TNC: variants seen among roughly 807,000 people sequenced by gnomAD.
TNC encodes tenascin C.
A neutral mutation model predicts 202.4 loss-of-function variants in TNC; 109 were observed. That is an observed-to-expected ratio of 0.54 (90% confidence interval 0.46 to 0.63). The LOEUF is 0.63. TNC is among the 30% of genes least tolerant of loss of function. The probability of loss-of-function intolerance (pLI) is 0.00; values close to 1 mark genes in which losing one functional copy is unlikely to be tolerated. For synonymous variants in TNC, 1,007 were observed against 1,089.7 expected, an observed-to-expected ratio of 0.92 and a Z score of 1.50; for missense variants, 2,756 against 2,833.3, an observed-to-expected ratio of 0.97 and a Z score of 0.62.
At chr9:115,090,312 T>C (rs1051127576) in intron 2 of TNC, among the ~76,000 whole-genome samples, 2 of 151,674 alleles carry the variant, frequency 1.3e-5, no homozygotes, top group Non-Finnish European at 2.9e-5. Flanking sequence ...TAAAATAGGG[T>C]TTTTCAAAGC....
In TNC at chr9:115,046,511, C is replaced by G; in HGVS notation, c.5024G>C (p.Arg1675Thr). ...AGCCTCTCTGAGACCTGTTATGTCC[C>G]TGGTACGTTCGGGGGCAAGTAGGGT... is the stretch of plus-strand genomic sequence containing the variant. ...EITLLAPERT[R>T]DITGLREATE... The change falls in exon 17 of 28, where the codon AGG becomes ACG. Residue 1675 changes from arginine to threonine, a missense_variant. Physicochemically the swap from Arg to Thr is moderately conservative, Grantham distance 71 (BLOSUM62 -1). Coordinates refer to ENST00000350763, the MANE Select transcript of TNC (RefSeq NM_002160.4). 1 of 1,614,132 alleles carries G rather than the reference C, an allele frequency of 6.2e-7. No homozygotes were observed.
Position 115,091,028 on chromosome 9 carries a change from G to T in TNC, c.-10C>A. ...GAGTCATGGCCCCCATGGTGGAGGTGGGTTTGGCTGGGTGCTGCTGGGGCT... is the reference window on the plus strand; with the variant it reads ...GAGTCATGGCCCCCATGGTGGAGGTTGGTTTGGCTGGGTGCTGCTGGGGCT... On this transcript the variant is annotated 5_prime_UTR_variant, in exon 2 of 28. Transcript: ENST00000350763. The T allele has an allele frequency of 1.2e-6, 2 of 1,604,904 alleles. No homozygotes were observed. The highest frequency in any genetic ancestry group is 1.7e-6 in the Non-Finnish European group (2 of 1,178,584).
At chr9:115,087,572 AC>A (rs1467292103) in intron 2 of TNC, among the ~76,000 whole-genome samples, 1 of 141,420 alleles carries the variant, frequency 7.1e-6, no homozygotes, top group African/African-American at 2.6e-5. Context: ...GTGTATTTCC[AC>A]CCCTGGGGAG....
Position 115,034,132 on chromosome 9 carries a change from A to G in TNC, c.5787+1072T>C, listed in dbSNP as rs73551068. Among the ~76,000 whole-genome samples, 1,303 of 152,326 alleles carry G rather than the reference A, an allele frequency of 8.6e-3. 7 individuals carry two copies. Among genetic ancestry groups the G allele is most frequent in the African/African-American group, 0.012 (515 of 41,580 alleles). On this transcript the variant is annotated intron_variant, in intron 22 of 27. Coordinates refer to ENST00000350763, the MANE Select transcript of TNC (RefSeq NM_002160.4). ...TGGTAGGCTGAGGTTTACTCTCTGG[A>G]AAGGTTGAGCCAGAGAGGAAGTCCG... is the stretch of plus-strand genomic sequence containing the variant.
At position 115,063,184 on chromosome 9, in the gene TNC, C is replaced by T. The variant is rs1372324382; in HGVS notation, c.3766G>A (p.Val1256Ile). ...PLSVEVLTEEVPDMGNLTVTE... is the reference protein window; with the variant it reads ...PLSVEVLTEEIPDMGNLTVTE... Reference sequence around the variant, plus strand: ...ACTGTGAGGTTTCCCATATCTGGAACCTCCTCTGCATAAGGACACAGAGTT... The same window carrying T: ...ACTGTGAGGTTTCCCATATCTGGAATCTCCTCTGCATAAGGACACAGAGTT... The change falls in exon 13 of 28, where the codon GTT (valine) becomes ATT (isoleucine). Residue 1256 changes from valine (V) to isoleucine (I), a missense_variant. This residue lies in a region of TNC where 2,559 missense variants were observed against 2,546.0 expected (regional missense o/e 1.01). Transcript: ENST00000350763. The T allele has an allele frequency of 4.3e-6, 7 of 1,613,842 alleles. No individual in the cohort carries two copies. Among genetic ancestry groups the T allele is most frequent in the African/African-American group, 4.0e-5 (3 of 74,902 alleles).
In TNC at chr9:115,026,604, A is replaced by T; in HGVS notation, c.6261T>A (p.Tyr2087Ter). ...TGGCATCTCCCACGCTGAACTTGTC[A>T]TAGACAGCAAAGGCTGTCTCCCCAT... Reference protein sequence around the residue: ...RDHGETAFAVYDKFSVGDAKT... With the variant: ...RDHGETAFAV Residue 2087 changes from tyrosine to a stop codon, truncating the protein, a stop_gained, in exon 26 of 28, where the codon TAT (tyrosine) becomes TAA (stop). Transcript: ENST00000350763. LOFTEE classifies it high-confidence loss of function. The T allele has an allele frequency of 6.2e-7, 1 of 1,613,974 alleles. No homozygotes were observed. Among genetic ancestry groups the T allele is most frequent in the Non-Finnish European group, 8.5e-7 (1 of 1,179,958 alleles).
chr9:115,068,711 G>T (rs1422688988), intron 10 of TNC, among the ~76,000 whole-genome samples: 1 of 152,188 alleles, frequency 6.6e-6, no homozygotes, highest in Non-Finnish European at 1.5e-5. Flanking sequence ...GGACTGTATA[G>T]CTTGCAGTTC....
chr9:115,088,622 C>T (rs1037085438), intron 2 of TNC, among the ~76,000 whole-genome samples: 4 of 152,072 alleles, frequency 2.6e-5, no homozygotes, highest in African/African-American at 9.7e-5. Context: ...AGTATATTCA[C>T]TCTGTAGTCT....
rs768661955 is a variant in TNC at position 115,078,037 on chromosome 9, G to A, written c.2580C>T (p.Ile860=). ...ACTCAGTGTCAGGCTTCAGGTTCCC[G>A]ATGGAGTACTGGTTCTCGTCCTCTG... is the stretch of plus-strand genomic sequence containing the variant. ...DLTEDENQYS[I]GNLKPDTEYE... The change falls in exon 7 of 28, where the codon ATC becomes ATT. Residue 860 remains isoleucine (I), a synonymous_variant. Transcript: ENST00000350763. The A allele has an allele frequency of 1.4e-5, 23 of 1,614,112 alleles. No individual in the cohort carries two copies. Among genetic ancestry groups the A allele is most frequent in the African/African-American group, 5.3e-5 (4 of 74,936 alleles).
chr9:115,036,373 T>C lies in TNC; in HGVS notation c.5513-132A>G, dbSNP rs1023752303. The C allele has an allele frequency of 9.1e-6, 9 of 991,948 alleles. No individual in the cohort carries two copies. The African/African-American group carries it at 9.6e-5, about 11-fold the overall frequency. The allele number at this position is 991,948 out of a possible 1,614,324, so 61.4% of individuals were successfully genotyped here. On this transcript the variant is annotated intron_variant, in intron 20 of 27. Coordinates refer to ENST00000350763, the MANE Select transcript of TNC (RefSeq NM_002160.4). ...GACCCTGCGGAAAAGCAGGTCTGAT[T>C]TCTGAAATGACTCACGCTCTCTTTC...
chr9:115,087,584 C>A (rs899629614), intron 2 of TNC, among the ~76,000 whole-genome samples: 1 of 148,798 alleles, frequency 6.7e-6, no homozygotes, highest in Non-Finnish European at 1.5e-5. Context: ...CCCTGGGGAG[C>A]GGATTCATAG....
At chr9:115,111,823 A>AG (rs1054861916) in intron 1 of TNC, among the ~76,000 whole-genome samples, 2 of 152,078 alleles carry the variant, frequency 1.3e-5, no homozygotes, top group African/African-American at 4.8e-5. Flanking sequence ...TGAGGCCCTC[A>AG]GTTCAATATC....
At chr9:115,032,057 T>C (rs910818329) in intron 22 of TNC, among the ~76,000 whole-genome samples, 2 of 152,240 alleles carry the variant, frequency 1.3e-5, no homozygotes, top group African/African-American at 4.8e-5. Flanking sequence ...TTTTATGTGT[T>C]AAATTGGCTG....
At chr9:115,094,052 C>G (rs576230703) in intron 1 of TNC, among the ~76,000 whole-genome samples, 2 of 152,154 alleles carry the variant, frequency 1.3e-5, no homozygotes, top group Non-Finnish European at 2.9e-5. Context: ...CTTTGACAAG[C>G]TACTTATCCT....
intron 19 of TNC, among the ~76,000 whole-genome samples, chr9:115,038,868 C>T (rs1830530751): frequency 6.6e-6 from 1 of 151,950 alleles, no homozygotes; most frequent in Non-Finnish European, 1.5e-5. Flanking sequence ...CACTCTGTCG[C>T]CCATGCTGGA....
At chr9:115,101,948 C>A (rs752386682) in intron 1 of TNC, among the ~76,000 whole-genome samples, 1 of 152,134 alleles carries the variant, frequency 6.6e-6, no homozygotes, top group Non-Finnish European at 1.5e-5. Flanking sequence ...ATCATCATCA[C>A]CATCATAAGT....
rs373501416 is a variant in TNC at position 115,102,053 on chromosome 9, AC to A, written c.-136-10900del. The stretch of plus-strand genomic sequence containing the variant: ...TACATTTCCAATTTCAAATTCACAT[AC>A]AATTATGAGATAGTATTTGTACCCT... On this transcript the variant is annotated intron_variant, in intron 1 of 27. Transcript: ENST00000350763. Among the ~76,000 whole-genome samples the A allele has an allele frequency of 3.2e-3, 482 of 152,302 alleles. 2 individuals are homozygous for A. The highest frequency in any genetic ancestry group is 0.011 in the African/African-American group (459 of 41,554).
In TNC at chr9:115,090,881, C is replaced by T. The variant is rs1835174101; in HGVS notation, c.138G>A (p.Gln46=). 6.2e-7 allele frequency: 1 copy of T among 1,614,222 alleles called. No homozygotes were observed. Among genetic ancestry groups the T allele is most frequent in the Admixed American group, 1.7e-5 (1 of 60,024 alleles). Reference sequence around the variant, plus strand: ...TGTAAACGTGGTTAAACACCACTGGCTGGTTCTCTTCTGGCAGGGTGGCGT... The same window carrying T: ...TGTAAACGTGGTTAAACACCACTGGTTGGTTCTCTTCTGGCAGGGTGGCGT... ...GVNATLPEEN[Q]PVVFNHVYNI... Residue 46 remains glutamine, a synonymous_variant, in exon 2 of 28, where the codon CAG becomes CAA. Coordinates refer to ENST00000350763, the MANE Select transcript of TNC (RefSeq NM_002160.4).
chr9:115,072,652 G>A (rs13285041), intron 10 of TNC, among the ~76,000 whole-genome samples: 16,089 of 152,118 alleles, frequency 0.11, 910 homozygotes, highest in Middle Eastern at 0.16. Flanking sequence ...CTAGTCTTCC[G>A]CAAGCACTAT....
Sources: gnomAD v4.1 joint callset for allele counts (sites outside exome capture counted in the v4.1 genomes callset) on GRCh38, gnomAD v4.1.1 for gene constraint, gnomAD v4.1.1 regional missense constraint, MANE v1.5 for transcripts, NCBI Gene and HGNC (gene_info 2026-07-23, HGNC 2026-07-21) for gene names.